FGD2: variants seen among roughly 807,000 people sequenced by gnomAD.
FGD2 encodes FYVE, RhoGEF and PH domain containing 2.
FGD2 carries 52 observed loss-of-function variants against 75.9 expected under a neutral mutation model. The observed-to-expected ratio is 0.69, with a 90% confidence interval of 0.55 to 0.86. The LOEUF is 0.86. Ranked by LOEUF, FGD2 falls within the 40% of genes least tolerant of loss-of-function variation. The pLI is 0.00. For synonymous variants in FGD2, 347 were observed against 348.6 expected (o/e 1.00, Z 0.05); for missense variants, 790 against 872.0 (o/e 0.91, Z 1.18).
rs1765024858 is a variant in FGD2 at position 37,011,822 on chromosome 6, C to T, written c.495C>T (p.Phe165=). Residue 165 remains phenylalanine, a synonymous_variant, in exon 4 of 16, where the codon TTC becomes TTT. Coordinates refer to ENST00000274963, the MANE Select transcript of FGD2 (RefSeq NM_173558.4). ...TCTATCAGTTCCATTCTCAGTTCTT[C>T]CTCCCAGAGCTGCAGCGGCGCCTGG... ...SSIYQFHSQF[F]LPELQRRLDD... is the part of the protein sequence containing the mutation. The T allele has an allele frequency of 6.2e-7, 1 of 1,614,012 alleles. No individual in the cohort carries two copies. Among genetic ancestry groups the T allele is most frequent in the African/African-American group, 1.3e-5 (1 of 74,926 alleles).
intron 6 of FGD2, 135 bp downstream of exon 6, chr6:37,014,235 C>G: frequency 9.1e-7 from 1 of 1,098,058 alleles, no homozygotes. Flanking sequence ...TAGACATCAT[C>G]CATACCATTA....
At chr6:37,006,562 G>C (rs1764762574) in intron 1 of FGD2, among the ~76,000 whole-genome samples, 1 of 152,092 alleles carries the variant, frequency 6.6e-6, no homozygotes, top group Non-Finnish European at 1.5e-5. Flanking sequence ...GAAAAGGCTG[G>C]GCCAGATGCG....
chr6:37,008,864 G>C lies in FGD2; in HGVS notation c.99G>C (p.Arg33Ser). ...CAGAAGCAGCACCCAGAGGCCAGAGGCTAGAGGACGTGCATCACCGCCCTG... is the reference window on the plus strand; with the variant it reads ...CAGAAGCAGCACCCAGAGGCCAGAGCCTAGAGGACGTGCATCACCGCCCTG... ...RTPEAAPRGQ[R>S]LEDVHHRPEC... is the part of the protein sequence containing the mutation. Residue 33 changes from arginine (R) to serine (S), a missense_variant, in exon 2 of 16, where the codon AGG becomes AGC. Physicochemically the swap from Arg to Ser is moderately radical, Grantham distance 110 (BLOSUM62 -1). Coordinates refer to ENST00000274963, the MANE Select transcript of FGD2 (RefSeq NM_173558.4). The C allele has an allele frequency of 1.2e-6, 2 of 1,610,866 alleles. No individual in the cohort carries two copies. Among genetic ancestry groups the C allele is most frequent in the East Asian group, 2.2e-5 (1 of 44,760 alleles).
At chr6:37,020,061 A>C (rs952460936) in intron 9 of FGD2, among the ~76,000 whole-genome samples, 12 of 152,202 alleles carry the variant, frequency 7.9e-5, no homozygotes, top group Middle Eastern at 3.4e-3. Flanking sequence ...CATATTGCCC[A>C]GGCTGTTCTC....
At chr6:37,013,793 C>T in intron 5 of FGD2, 28 bp downstream of exon 5, 1 of 1,611,464 alleles carries the variant, frequency 6.2e-7, no homozygotes, top group Non-Finnish European at 8.5e-7. Context: ...CTGGAGTCAG[C>T]ATTGCCACTC....
intron 6 of FGD2, 72 bp downstream of exon 6, chr6:37,014,172 G>C (rs1765164130): frequency 6.5e-7 from 1 of 1,528,198 alleles, no homozygotes; most frequent in African/African-American, 1.4e-5. Context: ...CTGAGCTCCT[G>C]CTAAAATGGT....
Position 37,027,392 on chromosome 6 carries a change from T to A in FGD2, c.1606-37T>A. 1.9e-6 allele frequency: 3 copies of A among 1,575,222 alleles called. No individual in the cohort carries two copies. In the Admixed American group the frequency reaches 5.3e-5, roughly 28 times the overall value. On this transcript the variant is annotated intron_variant, in intron 14 of 15. Transcript: ENST00000274963. ...CAGACCAACATCTGGCACTTGCGGC[T>A]GCTCTGCTCCCTGACAGTCCCTCCT...
chr6:37,021,044 TTGTGTGCATGCA>T, intron 11 of FGD2, among the ~76,000 whole-genome samples: 1 of 150,986 alleles, frequency 6.6e-6, no homozygotes, highest in Middle Eastern at 3.4e-3. Flanking sequence ...ATATGTGTGT[TTGTGTGCATGCA>T]TGTGTGCATG....
intron 13 of FGD2, chr6:37,024,768 T>C (rs1031797399): frequency 6.6e-6 from 1 of 152,248 alleles, no homozygotes; most frequent in African/African-American, 2.4e-5. Context: ...CTCTTGCCTG[T>C]GCAGATCTTC....
At chr6:37,017,458 G>A (rs1005996123) in intron 9 of FGD2, among the ~76,000 whole-genome samples, 1 of 152,242 alleles carries the variant, frequency 6.6e-6, no homozygotes, top group Non-Finnish European at 1.5e-5. Flanking sequence ...TCAGATGCAG[G>A]TGTAACAAAG....
chr6:37,027,826 AC>A, intron 15 of FGD2, 121 bp from the exon 16 acceptor site: 1 of 1,201,550 alleles, frequency 8.3e-7, no homozygotes. Context: ...TCACCAGCCC[AC>A]CCCCAACCCA....
At chr6:37,013,519 G>A in intron 4 of FGD2, 90 bp from the exon 5 acceptor site, 1 of 1,526,486 alleles carries the variant, frequency 6.6e-7, no homozygotes, top group South Asian at 1.3e-5. Flanking sequence ...GTTTGCTTTG[G>A]GGGATTCAGG....
At chr6:37,018,486 C>T (rs1193457735) in intron 9 of FGD2, among the ~76,000 whole-genome samples, 1 of 152,152 alleles carries the variant, frequency 6.6e-6, no homozygotes, top group African/African-American at 2.4e-5. Flanking sequence ...CCTATGACTC[C>T]CTGGCCTCCT....
chr6:37,010,938 C>T (rs777406950), intron 2 of FGD2, 35 bp from the exon 3 acceptor site: 14 of 1,606,244 alleles, frequency 8.7e-6, no homozygotes, highest in South Asian at 2.2e-5. Flanking sequence ...TGTCTTCCCC[C>T]TTTTTCTCCT....
intron 1 of FGD2, among the ~76,000 whole-genome samples, chr6:37,008,104 G>A (rs1250082402): frequency 6.6e-6 from 1 of 152,154 alleles, no homozygotes; most frequent in Non-Finnish European, 1.5e-5. Flanking sequence ...CTTTCTCACG[G>A]AGTTTTGGAG....
Position 37,027,746 on chromosome 6 carries a change from C to T in FGD2, c.1752+171C>T, listed in dbSNP as rs1765895167. The T allele has an allele frequency of 5.6e-6, 6 of 1,067,444 alleles. No homozygotes were observed. The East Asian group carries it at 1.6e-4, about 28-fold the overall frequency. The allele number at this position is 1,067,444 out of a possible 1,614,324, so 66.1% of individuals were successfully genotyped here. On this transcript the variant is annotated intron_variant, in intron 15 of 15. Transcript: ENST00000274963. ...AGGTTGGTAGGTTTCAGAATTGTGC[C>T]CTGACTCTAGGTCACCACTGCTTTG... is the stretch of plus-strand genomic sequence containing the variant.
intron 10 of FGD2, 32 bp from the exon 11 acceptor site, chr6:37,020,677 C>T: frequency 1.3e-6 from 2 of 1,577,214 alleles, no homozygotes; most frequent in Non-Finnish European, 1.7e-6. Context: ...AGGGGCTGAT[C>T]TCCTCAACAC....
In FGD2 at chr6:37,020,488, C is replaced by T; in HGVS notation, c.1123-53C>T. On this transcript the variant is annotated intron_variant, in intron 9 of 15. Transcript: ENST00000274963. ...CTCCCTCCCCTCCACAGTGCTGTGC[C>T]TGGGACCCGGGCTATGATGAGTCTG... 4 of 1,531,902 alleles carry T rather than the reference C, an allele frequency of 2.6e-6. No homozygotes were observed. In the South Asian group the frequency reaches 4.7e-5, roughly 18 times the overall value. 94.9% of individuals were successfully genotyped at this position (1,531,902 alleles called of 1,614,324 possible). A position where few individuals can be genotyped will look rare whatever the true frequency, so the allele number is the denominator to read the frequency against.
At chr6:37,021,669 G>A in intron 12 of FGD2, 65 bp downstream of exon 12, 1 of 1,414,860 alleles carries the variant, frequency 7.1e-7, no homozygotes, top group Non-Finnish European at 9.8e-7. Context: ...TTCCCTCTCT[G>A]TTCTGCCTAT....
Sources: gnomAD v4.1 joint callset for allele counts (sites outside exome capture counted in the v4.1 genomes callset) on GRCh38, gnomAD v4.1.1 for gene constraint, MANE v1.5 for transcripts, NCBI Gene and HGNC (gene_info 2026-07-23, HGNC 2026-07-21) for gene names.